Variants in TOP2B observed in about 807,000 individuals in gnomAD.
TOP2B encodes the protein DNA topoisomerase II beta, also known as DNA topoisomerase 2-beta.
A neutral mutation model predicts 193.5 loss-of-function variants in TOP2B; 51 were observed. That is an observed-to-expected ratio of 0.26 (90% confidence interval 0.21 to 0.33). The LOEUF is 0.33. Ranked by LOEUF, TOP2B falls within the 10% of genes least tolerant of loss-of-function variation. The pLI is 1.00. For missense variants in TOP2B, 1,378 were observed against 1,909.3 expected (o/e 0.72, Z 5.19); for synonymous variants, 634 against 635.7 (o/e 1.00, Z 0.04).
Position 25,624,820 on chromosome 3 carries a change from T to C in TOP2B, c.2225-17A>G, listed in dbSNP as rs748412141. The C allele has an allele frequency of 1.0e-5, 16 of 1,606,484 alleles. No individual in the cohort carries two copies. The highest frequency in any genetic ancestry group is 1.3e-5 in the Non-Finnish European group (15 of 1,176,894). On this transcript the variant is annotated splice_polypyrimidine_tract_variant and intron_variant, in intron 18 of 35. Transcript: ENST00000264331. The stretch of plus-strand genomic sequence containing the variant: ...GTTTAAAGCCTATTTTTAAAAGAGC[T>C]CTTTTAAAATGTTACTTCAAGATAT...
At chr3:25,599,326 G>C in intron 35 of TOP2B, 109 bp downstream of exon 35, 2 of 894,266 alleles carry the variant, frequency 2.2e-6, no homozygotes, top group Non-Finnish European at 3.4e-6. Context: ...ATTGATACGA[G>C]ATGCTAGGTG....
chr3:25,659,043 C>T (rs1397595459), intron 1 of TOP2B, among the ~76,000 whole-genome samples: 1 of 152,210 alleles, frequency 6.6e-6, no homozygotes, highest in African/African-American at 2.4e-5. Context: ...CATCACCAGG[C>T]CAACAAGAGT....
At chr3:25,624,562 T>C (rs1421639415) in intron 19 of TOP2B, 117 bp from the exon 20 acceptor site, 7 of 1,526,316 alleles carry the variant, frequency 4.6e-6, no homozygotes, top group Non-Finnish European at 5.3e-6. Context: ...CACTAATCTG[T>C]ATATTCTCTT....
intron 28 of TOP2B, among the ~76,000 whole-genome samples, chr3:25,611,049 TC>T (rs1180327548): frequency 3.9e-5 from 6 of 152,290 alleles, no homozygotes; most frequent in Non-Finnish European, 7.4e-5. Context: ...GGATAATGAA[TC>T]CAGTTTCAGA....
intron 30 of TOP2B, among the ~76,000 whole-genome samples, chr3:25,607,816 T>C (rs1448788837): frequency 2.0e-5 from 3 of 152,244 alleles, no homozygotes; most frequent in Admixed American, 6.5e-5. Context: ...AGTCTTGTTC[T>C]GCTGCCTGGG....
chr3:25,619,347 G>A lies in TOP2B; in HGVS notation c.3064-498C>T, dbSNP rs115377678. On this transcript the variant is annotated intron_variant, in intron 23 of 35. Coordinates refer to ENST00000264331, the MANE Select transcript of TOP2B (RefSeq NM_001330700.2). ...CTTTCTTCCATCAGCCTTTCTCAGCGGATTATGGCACTTTTTCTCAGCCAC... is the reference window on the plus strand; with the variant it reads ...CTTTCTTCCATCAGCCTTTCTCAGCAGATTATGGCACTTTTTCTCAGCCAC... Among the ~76,000 whole-genome samples the A allele has an allele frequency of 4.3e-3, 657 of 151,898 alleles. 5 individuals are homozygous for A. Among genetic ancestry groups the A allele is most frequent in the African/African-American group, 0.013 (535 of 41,412 alleles).
Position 25,618,844 on chromosome 3 carries a change from A to G in TOP2B, c.3069T>C (p.Leu1023=). Reference sequence around the variant, plus strand: ...TCTTCAGACATCCCATATGATCAAAAAGTACCTAAGCAAAACACATATACT... The same window carrying G: ...TCTTCAGACATCCCATATGATCAAAGAGTACCTAAGCAAAACACATATACT... The part of the protein sequence containing the change: ...QTTLTCNSMV[L]FDHMGCLKKY... The change falls in exon 24 of 36, where the codon CTT becomes CTC. Residue 1023 remains leucine (L), a synonymous_variant. Coordinates refer to ENST00000264331, the MANE Select transcript of TOP2B (RefSeq NM_001330700.2). The G allele has an allele frequency of 6.3e-7, 1 of 1,599,290 alleles. No homozygotes were observed. The highest frequency in any genetic ancestry group is 1.3e-5 in the African/African-American group (1 of 74,824).
intron 33 of TOP2B, among the ~76,000 whole-genome samples, chr3:25,601,702 A>G (rs1009414969): frequency 4.6e-5 from 7 of 152,228 alleles, no homozygotes; most frequent in African/African-American, 1.7e-4. Flanking sequence ...CATAGATGAC[A>G]AAATGCTTTT....
chr3:25,612,804 A>T, intron 27 of TOP2B, 95 bp from the exon 28 acceptor site: 1 of 896,408 alleles, frequency 1.1e-6, no homozygotes, highest in East Asian at 2.4e-5. Context: ...TTATTCACTC[A>T]GTAAAGAATA....
chr3:25,643,682 G>A lies in TOP2B; in HGVS notation c.331+12C>T. 1.2e-6 allele frequency: 2 copies of A among 1,600,112 alleles called. No individual in the cohort carries two copies. Among genetic ancestry groups the A allele is most frequent in the Non-Finnish European group, 1.7e-6 (2 of 1,167,852 alleles). On this transcript the variant is annotated intron_variant, in intron 3 of 35. Coordinates refer to ENST00000264331, the MANE Select transcript of TOP2B (RefSeq NM_001330700.2). ...AATAGAAACATGCATTAAATCCTAA[G>A]CAAGTACTCACCCAAAATTTCATCA... is the stretch of plus-strand genomic sequence containing the variant.
intron 1 of TOP2B, among the ~76,000 whole-genome samples, chr3:25,649,559 A>T (rs1391670738): frequency 6.6e-6 from 1 of 152,036 alleles, no homozygotes; most frequent in African/African-American, 2.4e-5. Context: ...TTCTCAGCAG[A>T]AACCTTGCAA....
chr3:25,627,181 A>C lies in TOP2B; in HGVS notation c.2016+6T>G. ...ACAAAAGCTTTTAAAAAATTAACTTAATTACCAAGGTAATGGCAGCATCAT... is the reference window on the plus strand; with the variant it reads ...ACAAAAGCTTTTAAAAAATTAACTTCATTACCAAGGTAATGGCAGCATCAT... On this transcript the variant is annotated splice_donor_region_variant and intron_variant, in intron 16 of 35. Transcript: ENST00000264331. 1.3e-6 allele frequency: 2 copies of C among 1,583,750 alleles called. No homozygotes were observed. The highest frequency in any genetic ancestry group is 1.7e-6 in the Non-Finnish European group (2 of 1,164,652).
chr3:25,603,652 T>C (rs1012588110), intron 33 of TOP2B, among the ~76,000 whole-genome samples: 1 of 152,112 alleles, frequency 6.6e-6, no homozygotes. Context: ...TAAGTATTTA[T>C]TTGAGAGATA....
At chr3:25,664,107 A>C (rs530598013) in intron 1 of TOP2B, 122 bp downstream of exon 1, 3 of 1,426,434 alleles carry the variant, frequency 2.1e-6, no homozygotes, top group South Asian at 1.3e-5. Flanking sequence ...ACAGGCCCCT[A>C]TGGAGCGCCC....
At chr3:25,609,521 A>C (rs756005460) in intron 29 of TOP2B, 47 bp downstream of exon 29, 1 of 1,576,466 alleles carries the variant, frequency 6.3e-7, no homozygotes, top group Non-Finnish European at 8.6e-7. Context: ...TACTCTATAC[A>C]AATATTTTTT....
At chr3:25,633,272 T>A (rs1167834205) in intron 8 of TOP2B, among the ~76,000 whole-genome samples, 1 of 152,086 alleles carries the variant, frequency 6.6e-6, no homozygotes, top group Non-Finnish European at 1.5e-5. Flanking sequence ...GTCACAGAAC[T>A]CAAGAACACA....
At chr3:25,645,062 G>A (rs922217496) in intron 2 of TOP2B, among the ~76,000 whole-genome samples, 18 of 151,470 alleles carry the variant, frequency 1.2e-4, no homozygotes, top group African/African-American at 4.1e-4. Flanking sequence ...CACCCGCCTC[G>A]GCCTCCCAAA....
At position 25,620,067 on chromosome 3, in the gene TOP2B, A is replaced by G. The variant is rs1702618548; in HGVS notation, c.2863-5T>C. 2 of 1,372,890 alleles carry G rather than the reference A, an allele frequency of 1.5e-6. No homozygotes were observed. The highest frequency in any genetic ancestry group is 1.3e-5 in the South Asian group (1 of 78,358). The allele number at this position is 1,372,890 out of a possible 1,614,324, so 85.0% of individuals were successfully genotyped here. A position where few individuals can be genotyped will look rare whatever the true frequency, so the allele number is the denominator to read the frequency against. The stretch of plus-strand genomic sequence containing the variant: ...TAAAACCTGTTCTTTATATACCTAT[A>G]AAGATTTAAAAATTAGTGATTCTTT... On this transcript the variant is annotated splice_region_variant and splice_polypyrimidine_tract_variant and intron_variant, in intron 22 of 35. Transcript: ENST00000264331.
chr3:25,604,203 TG>T (rs199852892), intron 33 of TOP2B, among the ~76,000 whole-genome samples: 2 of 152,092 alleles, frequency 1.3e-5, no homozygotes, highest in African/African-American at 4.8e-5. Context: ...ATTAGATTTG[TG>T]GGGTTTTTTT....
Sources: gnomAD v4.1 joint callset for allele counts (sites outside exome capture counted in the v4.1 genomes callset) on GRCh38, gnomAD v4.1.1 for gene constraint, MANE v1.5 for transcripts, NCBI Gene and HGNC (gene_info 2026-07-23, HGNC 2026-07-21) for gene names.